The following TNR variants were observed in gnomAD, a reference collection of about 807,000 sequenced individuals.
TNR encodes tenascin R, also known as tenascin-R.
In TNR, 45 loss-of-function variants were observed where a neutral mutation model predicts 150.4. The ratio of observed to expected loss-of-function variants is 0.30; its 90% CI spans 0.24 to 0.38. The LOEUF is 0.38. TNR is among the 10% of genes least tolerant of loss of function. The pLI, the probability that TNR is intolerant of heterozygous loss-of-function variation, is 1.00. For missense variants in TNR, 1,544 were observed against 1,759.1 expected, an observed-to-expected ratio of 0.88 and a Z score of 2.19; for synonymous variants, 687 against 678.4, an observed-to-expected ratio of 1.01 and a Z score of -0.20.
intron 1 of TNR, among the ~76,000 whole-genome samples, chr1:175,534,050 C>G (rs1233874184): frequency 6.6e-6 from 1 of 152,166 alleles, no homozygotes; most frequent in Admixed American, 6.5e-5. Context: ...TTAAATGTTG[C>G]CATAATGATA....
At chr1:175,605,198 A>G (rs954996617) in intron 1 of TNR, among the ~76,000 whole-genome samples, 3 of 152,250 alleles carry the variant, frequency 2.0e-5, no homozygotes, top group Non-Finnish European at 4.4e-5. Flanking sequence ...GGAGTCAGAA[A>G]GACCTTGGTT....
chr1:175,477,744 G>A (rs145856122), intron 2 of TNR, among the ~76,000 whole-genome samples: 2 of 152,320 alleles, frequency 1.3e-5, no homozygotes, highest in South Asian at 2.1e-4. Context: ...CTGTTCTAAC[G>A]GAGGCACACA....
chr1:175,661,510 AG>A (rs908984118), intron 1 of TNR, among the ~76,000 whole-genome samples: 6 of 152,188 alleles, frequency 3.9e-5, no homozygotes, highest in African/African-American at 1.2e-4. Context: ...TTGAGAGAAA[AG>A]GGTTTCTAGA....
chr1:175,554,138 T>A (rs1661057439), intron 1 of TNR, among the ~76,000 whole-genome samples: 2 of 152,204 alleles, frequency 1.3e-5, no homozygotes, highest in Non-Finnish European at 2.9e-5. Flanking sequence ...TTAGCTTTTG[T>A]TCTTGCTAAG....
chr1:175,673,856 G>T (rs960248118), intron 1 of TNR, among the ~76,000 whole-genome samples: 1 of 152,224 alleles, frequency 6.6e-6, no homozygotes, highest in African/African-American at 2.4e-5. Context: ...AGCCACAAAA[G>T]ATGCACCCAA....
At chr1:175,735,686 GTTC>G (rs577778569) in intron 1 of TNR, among the ~76,000 whole-genome samples, 919 of 152,250 alleles carry the variant, frequency 6.0e-3, no homozygotes, top group Middle Eastern at 0.014. Flanking sequence ...GTTGTTAGAT[GTTC>G]TTCTTATGGA....
At chr1:175,574,855 T>C (rs1662036815) in intron 1 of TNR, among the ~76,000 whole-genome samples, 1 of 152,204 alleles carries the variant, frequency 6.6e-6, no homozygotes, top group South Asian at 2.1e-4. Context: ...CCGTTCTGCA[T>C]GAAGATAAAG....
chr1:175,561,091 T>A (rs1240207163), intron 1 of TNR, among the ~76,000 whole-genome samples: 2 of 152,226 alleles, frequency 1.3e-5, no homozygotes, highest in Non-Finnish European at 2.9e-5. Flanking sequence ...GTTTTTGTTG[T>A]CTCTGGCATT....
At chr1:175,734,074 T>C (rs926774807) in intron 1 of TNR, among the ~76,000 whole-genome samples, 1 of 152,314 alleles carries the variant, frequency 6.6e-6, no homozygotes, top group Admixed American at 6.5e-5. Context: ...TCAAGGCCAC[T>C]GCCTGTCTCA....
intron 1 of TNR, among the ~76,000 whole-genome samples, chr1:175,661,921 A>G (rs766103938): frequency 6.6e-5 from 10 of 151,524 alleles, no homozygotes; most frequent in Non-Finnish European, 1.0e-4. Flanking sequence ...TTCACTGCTC[A>G]TAAACTTAAG....
chr1:175,501,259 TA>T (rs1370568519), intron 2 of TNR, among the ~76,000 whole-genome samples: 10 of 152,096 alleles, frequency 6.6e-5, no homozygotes. Flanking sequence ...AGCCAAAATA[TA>T]AAAAATAATA....
At position 175,366,079 on chromosome 1, in the gene TNR, T is replaced by C. The variant is rs1231903134; in HGVS notation, c.2113A>G (p.Ile705Val). The C allele has an allele frequency of 1.2e-6, 2 of 1,613,912 alleles. No individual in the cohort carries two copies. Among genetic ancestry groups the C allele is most frequent in the East Asian group, 2.2e-5 (1 of 44,866 alleles). The change falls in exon 11 of 23, where the codon ATC (isoleucine) becomes GTC (valine). Residue 705 changes from isoleucine to valine, a missense_variant. By Grantham distance (29) the Ile-to-Val change is conservative. This residue lies in a region of TNR where 1,254 missense variants were observed against 1,329.4 expected (regional missense o/e 0.94). Coordinates refer to ENST00000367674, the MANE Select transcript of TNR (RefSeq NM_003285.3). ...TASSETSISLIWTKASGPIDH... is the reference protein window; with the variant it reads ...TASSETSISLVWTKASGPIDH... ...ATGGGGCCACTGGCCTTGGTCCAGA[T>C]GAGGGAGATGGAGGTCTCCGAGGAG...
intron 1 of TNR, among the ~76,000 whole-genome samples, chr1:175,564,523 ATGT>A (rs1373023082): frequency 3.9e-5 from 6 of 152,220 alleles, no homozygotes; most frequent in Non-Finnish European, 7.3e-5. Context: ...TTTAAAAATA[ATGT>A]TGTATTGGTT....
chr1:175,528,094 A>G (rs1659918930), intron 2 of TNR, among the ~76,000 whole-genome samples, 175 bp downstream of exon 2: 1 of 152,202 alleles, frequency 6.6e-6, no homozygotes, highest in East Asian at 1.9e-4. Flanking sequence ...TTTTTCAGAG[A>G]CTGCATGAAG....
At chr1:175,632,133 T>C (rs984376981) in intron 1 of TNR, among the ~76,000 whole-genome samples, 1 of 152,228 alleles carries the variant, frequency 6.6e-6, no homozygotes, top group African/African-American at 2.4e-5. Context: ...ACCCAAGCCC[T>C]TGCAGAGGGG....
At position 175,684,497 on chromosome 1, in the gene TNR, T is replaced by C. The variant is rs144634130; in HGVS notation, c.-165+58729A>G. Among the ~76,000 whole-genome samples the C allele has an allele frequency of 7.0e-3, 1,059 of 152,290 alleles. 13 individuals carry two copies. The highest frequency in any genetic ancestry group is 0.024 in the African/African-American group (1,012 of 41,554). On this transcript the variant is annotated intron_variant, in intron 1 of 22. Transcript: ENST00000367674. ...ATCCTCTAGCTCGCTGTAATTGACA[T>C]GTGAGCAAACTAAAGCCCAGAGAAG... is the stretch of plus-strand genomic sequence containing the variant.
chr1:175,431,049 T>C (rs28613886), intron 2 of TNR, among the ~76,000 whole-genome samples: 36,743 of 151,990 alleles, frequency 0.24, 5,549 homozygotes, highest in African/African-American at 0.42. Context: ...CTCATAACAG[T>C]ACCTATTCCA....
At chr1:175,508,286 T>C (rs982097862) in intron 2 of TNR, among the ~76,000 whole-genome samples, 3 of 152,054 alleles carry the variant, frequency 2.0e-5, no homozygotes. Context: ...TTAAAATAAA[T>C]AAATAAATAG....
Position 175,479,081 on chromosome 1 carries a change from T to C in TNR, c.-64+49188A>G, listed in dbSNP as rs1389284597. Among the ~76,000 whole-genome samples, 3 of 152,190 alleles carry C rather than the reference T, an allele frequency of 2.0e-5. No homozygotes were observed. In the East Asian group the frequency reaches 5.8e-4, roughly 29 times the overall value. ...TTTGACAGGTAGAAAAAATTAAGGT[T>C]TAGAAGAGTTCAAAAAATTCCTCAA... is the stretch of plus-strand genomic sequence containing the variant. On this transcript the variant is annotated intron_variant, in intron 2 of 22. Transcript: ENST00000367674.
Sources: gnomAD v4.1 joint callset for allele counts (sites outside exome capture counted in the v4.1 genomes callset) on GRCh38, gnomAD v4.1.1 for gene constraint, gnomAD v4.1.1 regional missense constraint, MANE v1.5 for transcripts, NCBI Gene and HGNC (gene_info 2026-07-23, HGNC 2026-07-21) for gene names.